C1D: variants seen among roughly 807,000 people sequenced by gnomAD.
C1D encodes the protein C1D nuclear receptor corepressor, also known as nuclear nucleic acid-binding protein C1D.
A neutral mutation model predicts 17.5 loss-of-function variants in C1D; 10 were observed. That is an observed-to-expected ratio of 0.57 (90% CI 0.35 to 0.97). C1D has a LOEUF of 0.97. Ranked by LOEUF, C1D falls within the 50% of genes least tolerant of loss-of-function variation. C1D has a pLI of 0.01. For synonymous variants in C1D, 49 were observed against 54.0 expected (o/e 0.91, Z 0.40); for missense variants, 136 against 160.1 (o/e 0.85, Z 0.81).
intron 1 of C1D, among the ~76,000 whole-genome samples, chr2:68,053,609 CCT>C (rs2103808434): frequency 6.6e-6 from 1 of 152,336 alleles, no homozygotes; most frequent in African/African-American, 2.4e-5. Flanking sequence ...TCATGGTACT[CCT>C]CTGTTTAAAA....
intron 4 of C1D, among the ~76,000 whole-genome samples, chr2:68,044,837 CT>C (rs1480662786): frequency 6.6e-6 from 1 of 152,028 alleles, no homozygotes. Flanking sequence ...AACAAATGAC[CT>C]TGTCCTTTCA....
chr2:68,047,389 AT>A, intron 1 of C1D, 70 bp from the exon 2 acceptor site: 1 of 1,181,298 alleles, frequency 8.5e-7, no homozygotes, highest in South Asian at 1.7e-5. Context: ...AAAAAAAAAA[AT>A]CAATAGGTCA....
chr2:68,048,130 G>A (rs1359628517), intron 1 of C1D, among the ~76,000 whole-genome samples: 1 of 152,070 alleles, frequency 6.6e-6, no homozygotes, highest in Non-Finnish European at 1.5e-5. Flanking sequence ...AAACTTGGGG[G>A]AAATAAACAA....
In C1D at chr2:68,042,822, A is replaced by AT. The variant is rs1360617796; in HGVS notation, c.*66dup. The AT allele has an allele frequency of 5.5e-5, 26 of 473,376 alleles. 3 individuals are homozygous for AT. 29.3% of individuals were successfully genotyped at this position (473,376 alleles called of 1,614,324 possible). ...TTAAACCTTGCCCTGCCACAGAATTATTTTGCGGGGGGGGGGGGGGGGGGG... is the reference window on the plus strand; with the variant it reads ...TTAAACCTTGCCCTGCCACAGAATTATTTTTGCGGGGGGGGGGGGGGGGGGG... On this transcript the variant is annotated 3_prime_UTR_variant, in exon 5 of 5. Coordinates refer to ENST00000410067, the MANE Select transcript of C1D (RefSeq NM_173177.3).
rs1454465614 is a variant in C1D at position 68,046,022 on chromosome 2, A to T, written c.227T>A (p.Val76Asp). 6.3e-7 allele frequency: 1 copy of T among 1,589,980 alleles called. No homozygotes were observed. Among genetic ancestry groups the T allele is most frequent in the Non-Finnish European group, 8.6e-7 (1 of 1,168,734 alleles). The change falls in exon 4 of 5, where the codon GTT (valine) becomes GAT (aspartate). Residue 76 changes from valine (V) to aspartate (D), a missense_variant. By Grantham distance (152) the Val-to-Asp change is radical. Coordinates refer to ENST00000410067, the MANE Select transcript of C1D (RefSeq NM_173177.3). ...MFWVYLATQG[V>D]NPKEHPVKQE... Reference sequence around the variant, plus strand: ...TTTTACTGGATGTTCCTTAGGATTAACTCCTTGGGTTGCCAAATAAACTAC... The same window carrying T: ...TTTTACTGGATGTTCCTTAGGATTATCTCCTTGGGTTGCCAAATAAACTAC...
chr2:68,054,206 T>C (rs903117539), intron 1 of C1D, among the ~76,000 whole-genome samples: 1 of 152,162 alleles, frequency 6.6e-6, no homozygotes, highest in African/African-American at 2.4e-5. Flanking sequence ...AACAAAAAAT[T>C]ATATGGCTAC....
chr2:68,053,096 A>T (rs1177375769), intron 1 of C1D: 1 of 1,550,836 alleles, frequency 6.4e-7, no homozygotes, highest in East Asian at 2.4e-5. Context: ...GGGGTTCTAT[A>T]GGTACTCCTT....
intron 1 of C1D, among the ~76,000 whole-genome samples, chr2:68,050,909 GC>G (rs1475305993): frequency 6.6e-6 from 1 of 152,050 alleles, no homozygotes; most frequent in African/African-American, 2.4e-5. Flanking sequence ...TCATTTCACG[GC>G]AACTTCAACT....
Position 68,046,042 on chromosome 2 carries a change from A to T in C1D, c.207T>A (p.Val69=), listed in dbSNP as rs142543617. The T allele has an allele frequency of 2.8e-5, 45 of 1,579,706 alleles. No homozygotes were observed. Among genetic ancestry groups the T allele is most frequent in the Non-Finnish European group, 3.8e-5 (44 of 1,161,574 alleles). Residue 69 remains valine (V), a splice_region_variant and synonymous_variant, in exon 4 of 5, where the codon GTT becomes GTA. Coordinates refer to ENST00000410067, the MANE Select transcript of C1D (RefSeq NM_173177.3). The part of the protein sequence containing the change: ...SAYTLNSMFW[V]YLATQGVNPK... ...GATTAACTCCTTGGGTTGCCAAATA[A>T]ACTACAAGAGAAAAATTTCATGGAA...
intron 1 of C1D, among the ~76,000 whole-genome samples, chr2:68,057,654 CAT>C (rs1671477711): frequency 6.6e-6 from 1 of 152,084 alleles, no homozygotes; most frequent in Non-Finnish European, 1.5e-5. Context: ...AAATATGTAA[CAT>C]ATTATAATAA....
intron 1 of C1D, among the ~76,000 whole-genome samples, chr2:68,052,502 C>G (rs77407360): frequency 1.3e-5 from 2 of 152,116 alleles, no homozygotes; most frequent in Non-Finnish European, 2.9e-5. Context: ...AATTTTCCTA[C>G]GAGAAAATAT....
intron 1 of C1D, among the ~76,000 whole-genome samples, chr2:68,054,411 A>G (rs890438116): frequency 6.6e-6 from 1 of 152,194 alleles, no homozygotes; most frequent in Non-Finnish European, 1.5e-5. Flanking sequence ...GGAGGAACTC[A>G]TGCTGGAACT....
At position 68,041,954 on chromosome 2, in the gene C1D, T is replaced by A. The variant is rs1670968183; in HGVS notation, c.*935A>T. The A allele has an allele frequency of 1.3e-5, 2 of 152,052 alleles. No homozygotes were observed. Among genetic ancestry groups the A allele is most frequent in the African/African-American group, 4.8e-5 (2 of 41,446 alleles). The allele number at this position is 152,052 out of a possible 1,614,324, so 9.4% of individuals were successfully genotyped here. ...ACAATACAAACACAGTGTAATCTCC[T>A]TTGGACTTCTCATCTGCTTAAGTGG... On this transcript the variant is annotated 3_prime_UTR_variant, in exon 5 of 5. Transcript: ENST00000410067.
At chr2:68,062,621 T>A (rs1671667872) in intron 1 of C1D, among the ~76,000 whole-genome samples, 1 of 152,218 alleles carries the variant, frequency 6.6e-6, no homozygotes, top group Non-Finnish European at 1.5e-5. Context: ...AAGACTTCAA[T>A]GTTTTTTGAT....
At chr2:68,052,269 G>C (rs926899356) in intron 1 of C1D, among the ~76,000 whole-genome samples, 4 of 151,936 alleles carry the variant, frequency 2.6e-5, no homozygotes, top group Admixed American at 2.0e-4. Flanking sequence ...ACAAAAAATA[G>C]ACATTTTCTC....
chr2:68,053,029 T>C (rs528553555), intron 1 of C1D: 331 of 1,547,702 alleles, frequency 2.1e-4, no homozygotes, highest in Admixed American at 9.3e-4. Context: ...AAGTTGTACA[T>C]GTTAAAATTT....
chr2:68,053,530 T>A (rs1021419003), intron 1 of C1D, among the ~76,000 whole-genome samples: 7 of 152,184 alleles, frequency 4.6e-5, no homozygotes, highest in African/African-American at 1.7e-4. Context: ...CTTTGAGTAG[T>A]GTCCCTATTA....
At chr2:68,047,554 C>T (rs1320767416) in intron 1 of C1D, among the ~76,000 whole-genome samples, 1 of 152,172 alleles carries the variant, frequency 6.6e-6, no homozygotes, top group East Asian at 1.9e-4. Flanking sequence ...ATGCTATGCA[C>T]ACCAAACCCT....
rs546087150 is a variant in C1D at position 68,055,413 on chromosome 2, T to C, written c.-10+7545A>G. Among the ~76,000 whole-genome samples, 27 of 149,782 alleles carry C rather than the reference T, an allele frequency of 1.8e-4. No homozygotes were observed. In the South Asian group the frequency reaches 3.6e-3, roughly 20 times the overall value. Reference sequence around the variant, plus strand: ...CACAAGAAAGCAAACAAATATGGAGTGAGAAATACAGTACTCTACAGGATA... The same window carrying C: ...CACAAGAAAGCAAACAAATATGGAGCGAGAAATACAGTACTCTACAGGATA... On this transcript the variant is annotated intron_variant, in intron 1 of 4. Coordinates refer to ENST00000410067, the MANE Select transcript of C1D (RefSeq NM_173177.3).
Sources: allele counts gnomAD v4.1 joint callset (sites outside exome capture counted in the v4.1 genomes callset), GRCh38; gene constraint gnomAD v4.1.1; transcripts MANE v1.5; gene names NCBI Gene and HGNC (gene_info 2026-07-23, HGNC 2026-07-21).